EDNRA: variants seen among roughly 807,000 people sequenced by gnomAD.
The protein encoded by EDNRA is endothelin-1 receptor.
A neutral mutation model predicts 41.4 loss-of-function variants in EDNRA; 11 were observed. That is an observed-to-expected ratio of 0.27 (90% CI 0.17 to 0.44). The LOEUF is 0.44. EDNRA is among the 20% of genes least tolerant of loss of function. EDNRA has a pLI of 1.00. For synonymous variants in EDNRA, 172 were observed against 183.0 expected, an observed-to-expected ratio of 0.94 and a Z score of 0.49; for missense variants, 294 against 531.0, an observed-to-expected ratio of 0.55 and a Z score of 4.39.
intron 3 of EDNRA, among the ~76,000 whole-genome samples, chr4:147,523,521 T>C (rs532398151): frequency 2.7e-5 from 4 of 150,212 alleles, no homozygotes; most frequent in South Asian, 4.2e-4. Flanking sequence ...GATGGAGTCT[T>C]GCTCTGTGGC....
intron 2 of EDNRA, among the ~76,000 whole-genome samples, chr4:147,505,601 C>G (rs1408957435): frequency 1.3e-5 from 2 of 149,644 alleles, no homozygotes; most frequent in African/African-American, 4.9e-5. Context: ...CTCAGCCTCC[C>G]ATAGTGCTGT....
At chr4:147,491,267 G>C (rs1047637000) in intron 2 of EDNRA, 4 of 152,164 alleles carry the variant, frequency 2.6e-5, no homozygotes, top group African/African-American at 4.8e-5. Context: ...TGAACAATGT[G>C]GAAATGAGAG....
chr4:147,520,773 A>G (rs763684723), intron 3 of EDNRA, among the ~76,000 whole-genome samples: 6 of 152,242 alleles, frequency 3.9e-5, no homozygotes, highest in Non-Finnish European at 8.8e-5. Flanking sequence ...CCTGACAATC[A>G]CTTTATCAGG....
chr4:147,500,625 G>A (rs937250705), intron 2 of EDNRA, among the ~76,000 whole-genome samples: 1 of 152,154 alleles, frequency 6.6e-6, no homozygotes, highest in Non-Finnish European at 1.5e-5. Flanking sequence ...GCTGAAGTGG[G>A]AGAATCACTT....
At chr4:147,532,805 G>T (rs1056279525) in intron 4 of EDNRA, 101 bp downstream of exon 4, 1 of 1,242,018 alleles carries the variant, frequency 8.1e-7, no homozygotes, top group Non-Finnish European at 1.2e-6. Context: ...GTCAAGTGTG[G>T]TTTCTTCTGT....
chr4:147,505,299 G>A (rs6537483), intron 2 of EDNRA, among the ~76,000 whole-genome samples: 61,941 of 134,716 alleles, frequency 0.46, 18,098 homozygotes, highest in African/African-American at 0.84. Flanking sequence ...GAGCCACTCT[G>A]TAAGAGAGTT....
intron 3 of EDNRA, among the ~76,000 whole-genome samples, chr4:147,526,329 C>A (rs1470235670): frequency 6.6e-6 from 1 of 152,192 alleles, no homozygotes; most frequent in Non-Finnish European, 1.5e-5. Context: ...TTCTTCTGCT[C>A]CTTGTCACGT....
intron 2 of EDNRA, chr4:147,491,334 A>G (rs1729130481): frequency 6.6e-6 from 1 of 152,198 alleles, no homozygotes. Context: ...ATCTTGTGCA[A>G]CTGGGATCCA....
intron 2 of EDNRA, among the ~76,000 whole-genome samples, chr4:147,497,623 G>A (rs1323855745): frequency 2.6e-5 from 4 of 151,906 alleles, no homozygotes; most frequent in Non-Finnish European, 5.9e-5. Context: ...CCAGGCTGGA[G>A]TGCAGTGGCG....
Position 147,542,564 on chromosome 4 carries a change from C to T in EDNRA, c.1230C>T (p.His410=). ...MNGTSIQWKN[H]DQNNHNTDRS... ...GAACAAGCATCCAGTGGAAGAACCA[C>T]GATCAAAACAACCACAACACAGACC... Residue 410 remains histidine (H), a synonymous_variant, in exon 8 of 8, where the codon CAC becomes CAT. Coordinates refer to ENST00000651419, the MANE Select transcript of EDNRA (RefSeq NM_001957.4). 1 of 1,614,080 alleles carries T rather than the reference C, an allele frequency of 6.2e-7. No individual in the cohort carries two copies.
chr4:147,495,274 A>G (rs1010540988), intron 2 of EDNRA: 1 of 152,146 alleles, frequency 6.6e-6, no homozygotes, highest in Non-Finnish European at 1.5e-5. Flanking sequence ...TCTTCCACAC[A>G]CCTCGTAAGA....
intron 2 of EDNRA, among the ~76,000 whole-genome samples, chr4:147,501,401 T>C (rs1423463092): frequency 1.3e-5 from 2 of 152,198 alleles, no homozygotes; most frequent in Admixed American, 6.5e-5. Context: ...AAAATCCTAA[T>C]GTTTCATGTT....
chr4:147,488,739 A>T (rs548601833), intron 2 of EDNRA: 1 of 152,226 alleles, frequency 6.6e-6, no homozygotes, highest in African/African-American at 2.4e-5. Flanking sequence ...TCATGAGATC[A>T]TACATGTTGC....
intron 2 of EDNRA, among the ~76,000 whole-genome samples, chr4:147,502,504 TATTTC>T (rs1729550219): frequency 6.6e-6 from 1 of 152,250 alleles, no homozygotes; most frequent in Non-Finnish European, 1.5e-5. Context: ...AGCTTTTTGA[TATTTC>T]AGGTTGAAAC....
chr4:147,492,586 T>C (rs548806891), intron 2 of EDNRA: 1 of 152,276 alleles, frequency 6.6e-6, no homozygotes, highest in South Asian at 2.1e-4. Context: ...AGCATAGTTG[T>C]AACTGTAGTT....
chr4:147,511,709 T>G (rs1475374651), intron 2 of EDNRA, among the ~76,000 whole-genome samples: 1 of 152,252 alleles, frequency 6.6e-6, no homozygotes, highest in Admixed American at 6.5e-5. Context: ...CTGTTTTATC[T>G]TGTTTTGTTC....
chr4:147,531,340 G>A (rs1030371471), intron 3 of EDNRA, among the ~76,000 whole-genome samples: 2 of 152,050 alleles, frequency 1.3e-5, no homozygotes, highest in Admixed American at 6.6e-5. Flanking sequence ...ATCCCTCTTT[G>A]ACATTTACCA....
chr4:147,527,162 G>A (rs1037650547), intron 3 of EDNRA, among the ~76,000 whole-genome samples: 1 of 152,100 alleles, frequency 6.6e-6, no homozygotes, highest in African/African-American at 2.4e-5. Flanking sequence ...ACAGGCACTT[G>A]GTAGAAACTT....
At position 147,544,626 on chromosome 4, in the gene EDNRA, G is replaced by A. The variant is rs1012957504; in HGVS notation, c.*2008G>A. The A allele has an allele frequency of 6.6e-6, 1 of 152,292 alleles. No individual in the cohort carries two copies. The highest frequency in any genetic ancestry group is 1.5e-5 in the Non-Finnish European group (1 of 68,002). The allele number at this position is 152,292 out of a possible 1,614,324, so 9.4% of individuals were successfully genotyped here. On this transcript the variant is annotated 3_prime_UTR_variant, in exon 8 of 8. Transcript: ENST00000651419. Reference sequence around the variant, plus strand: ...AGCAGTCAAATCTATTATTCCACTGGCGCATCATATGCAGTGATATATGCC... The same window carrying A: ...AGCAGTCAAATCTATTATTCCACTGACGCATCATATGCAGTGATATATGCC...
Sources: allele counts gnomAD v4.1 joint callset (sites outside exome capture counted in the v4.1 genomes callset), GRCh38; gene constraint gnomAD v4.1.1; transcripts MANE v1.5; gene names NCBI Gene and HGNC (gene_info 2026-07-23, HGNC 2026-07-21).